Variants in TARS3 observed in about 807,000 individuals in gnomAD.
The protein encoded by TARS3 is threonine--tRNA ligase 2, cytoplasmic.
TARS3 carries 94 observed loss-of-function variants against 103.5 expected under a neutral mutation model. The observed-to-expected ratio is 0.91, with a 90% CI of 0.77 to 1.08. TARS3 has a LOEUF of 1.08. TARS3 is among the 50% of genes least tolerant of loss of function. The pLI is 0.00. For synonymous variants in TARS3, 416 were observed against 355.4 expected (o/e 1.17, Z -1.92); for missense variants, 952 against 995.2 (o/e 0.96, Z 0.58).
chr15:101,712,057 A>G (rs1425058549), intron 4 of TARS3, 56 bp from the exon 5 acceptor site: 34 of 1,555,480 alleles, frequency 2.2e-5, no homozygotes, highest in East Asian at 4.7e-5. Context: ...ATGGAAAATT[A>G]GTAGTAAAAT....
chr15:101,710,767 G>T (rs937430568), intron 5 of TARS3, among the ~76,000 whole-genome samples: 1 of 152,158 alleles, frequency 6.6e-6, no homozygotes, highest in Admixed American at 6.5e-5. Flanking sequence ...ATGCACCATA[G>T]TCATCCAGGC....
intron 7 of TARS3, 121 bp downstream of exon 7, chr15:101,705,562 C>T (rs936098473): frequency 1.2e-5 from 9 of 752,708 alleles, no homozygotes; most frequent in Admixed American, 5.0e-5. Context: ...ATTGTAACTA[C>T]GGTAGATTAT....
In TARS3 at chr15:101,653,797, C is replaced by T. The variant is rs1173702324; in HGVS notation, c.*785G>A. Reference sequence around the variant, plus strand: ...TGCCATTTTAATTCAGTTCTGAGCACGTAGAGCATTCCTCTCTTTAAAATC... The same window carrying T: ...TGCCATTTTAATTCAGTTCTGAGCATGTAGAGCATTCCTCTCTTTAAAATC... On this transcript the variant is annotated 3_prime_UTR_variant, in exon 19 of 19. Transcript: ENST00000335968. 2.6e-5 allele frequency: 4 copies of T among 152,330 alleles called. 1 individual carries two copies. The highest frequency in any genetic ancestry group is 4.4e-5 in the Non-Finnish European group (3 of 68,032). The allele number at this position is 152,330 out of a possible 1,614,324, so 9.4% of individuals were successfully genotyped here. A position where few individuals can be genotyped will look rare whatever the true frequency, so the allele number is the denominator to read the frequency against.
intron 3 of TARS3, among the ~76,000 whole-genome samples, chr15:101,718,501 A>G (rs1439228383): frequency 6.6e-6 from 1 of 152,184 alleles, no homozygotes; most frequent in Non-Finnish European, 1.5e-5. Flanking sequence ...TCAACTGACT[A>G]AAAGTTCAGA....
chr15:101,670,932 A>G (rs1229526513), intron 15 of TARS3, among the ~76,000 whole-genome samples: 1 of 152,204 alleles, frequency 6.6e-6, no homozygotes, highest in East Asian at 1.9e-4. Context: ...CATTCTGGAA[A>G]GGGCAAGACT....
chr15:101,723,940 G>A (rs1240922320), intron 1 of TARS3, 151 bp downstream of exon 1: 2 of 596,316 alleles, frequency 3.4e-6, no homozygotes, highest in South Asian at 1.1e-4. Context: ...CGGGACCACC[G>A]AGCAGGGCAG....
rs184553070 is a variant in TARS3, at chr15:101,675,718, C to A, written c.1670G>T (p.Gly557Val). 40 of 1,610,424 alleles carry A rather than the reference C, an allele frequency of 2.5e-5. 1 individual carries two copies. The Middle Eastern group carries it at 9.9e-4, about 40-fold the overall frequency. The change falls in exon 13 of 19, where the codon GGG becomes GTG. Residue 557 changes from glycine to valine, a missense_variant. Coordinates refer to ENST00000335968, the MANE Select transcript of TARS3 (RefSeq NM_152334.3). The stretch of plus-strand genomic sequence containing the variant: ...AACAGATTGCAAAAACTGCAAACAC[C>A]CCTTTATTTCTTCTTCAATCTGAAA... The part of the protein sequence containing the change: ...TVEQIEEEIK[G>V]CLQFLQSVYS...
At chr15:101,655,460 T>G (rs1287676082) in intron 18 of TARS3, among the ~76,000 whole-genome samples, 1 of 138,134 alleles carries the variant, frequency 7.2e-6, no homozygotes. Context: ...TGACTCCACC[T>G]GGCACTAGGG....
At chr15:101,664,608 C>A (rs902527798) in intron 15 of TARS3, among the ~76,000 whole-genome samples, 4 of 152,192 alleles carry the variant, frequency 2.6e-5, no homozygotes, top group Admixed American at 6.5e-5. Flanking sequence ...CTGGAAATTT[C>A]CACCTGAACC....
intron 7 of TARS3, 115 bp downstream of exon 7, chr15:101,705,568 A>G (rs1899513493): frequency 1.3e-6 from 1 of 786,020 alleles, no homozygotes; most frequent in Non-Finnish European, 2.1e-6. Flanking sequence ...ACTACGGTAG[A>G]TTATCAACTA....
chr15:101,653,925 G>A lies in TARS3; in HGVS notation c.*657C>T, dbSNP rs1897102444. On this transcript the variant is annotated 3_prime_UTR_variant, in exon 19 of 19. Transcript: ENST00000335968. ...GGTGGTAGAAGCCCACAGCTGAAAC[G>A]CTGGAAACACTGATGCAATTCATTT... 6.6e-6 allele frequency: 1 copy of A among 152,244 alleles called. No homozygotes were observed. 9.4% of individuals were successfully genotyped at this position (152,244 alleles called of 1,614,324 possible).
At chr15:101,712,029 A>C (rs1305067487) in intron 4 of TARS3, 28 bp from the exon 5 acceptor site, 1 of 1,589,274 alleles carries the variant, frequency 6.3e-7, no homozygotes, top group East Asian at 2.3e-5. Flanking sequence ...AGAGGCCATT[A>C]GCTACCAAAA....
At chr15:101,682,578 G>T (rs1243141947) in intron 12 of TARS3, among the ~76,000 whole-genome samples, 4 of 152,078 alleles carry the variant, frequency 2.6e-5, no homozygotes, top group Non-Finnish European at 5.9e-5. Flanking sequence ...TTATGTTCAT[G>T]AGAGATGTTC....
chr15:101,683,266 C>A (rs944301440), intron 12 of TARS3, among the ~76,000 whole-genome samples: 1 of 152,126 alleles, frequency 6.6e-6, no homozygotes, highest in East Asian at 1.9e-4. Flanking sequence ...CCACTTAAAT[C>A]GCATCCTACA....
At chr15:101,720,923 A>G (rs1317243336) in intron 3 of TARS3, among the ~76,000 whole-genome samples, 2 of 152,198 alleles carry the variant, frequency 1.3e-5, no homozygotes, top group African/African-American at 4.8e-5. Flanking sequence ...TTCTGCCACG[A>G]CTGTAAGTTT....
At chr15:101,660,747 A>C (rs1207124265) in intron 16 of TARS3, among the ~76,000 whole-genome samples, 3 of 152,228 alleles carry the variant, frequency 2.0e-5, no homozygotes, top group Non-Finnish European at 4.4e-5. Context: ...GATGGAACTT[A>C]GTGAGGCAAA....
At chr15:101,703,269 T>C (rs930982538) in intron 8 of TARS3, among the ~76,000 whole-genome samples, 17 of 152,110 alleles carry the variant, frequency 1.1e-4, no homozygotes, top group African/African-American at 2.9e-4. Context: ...AAGAAAACCA[T>C]AGTATATAGA....
chr15:101,723,546 A>G (rs1900598386), intron 1 of TARS3, among the ~76,000 whole-genome samples: 1 of 152,244 alleles, frequency 6.6e-6, no homozygotes, highest in Admixed American at 6.5e-5. Context: ...TTCAGGACTC[A>G]GAAAGTATGA....
At chr15:101,679,550 T>C (rs1211142645) in intron 12 of TARS3, among the ~76,000 whole-genome samples, 1 of 152,254 alleles carries the variant, frequency 6.6e-6, no homozygotes, top group Admixed American at 6.5e-5. Context: ...GCTCATTAGT[T>C]AGTAATTGCA....
Sources: allele counts gnomAD v4.1 joint callset (sites outside exome capture counted in the v4.1 genomes callset), GRCh38; gene constraint gnomAD v4.1.1; transcripts MANE v1.5; gene names NCBI Gene and HGNC (gene_info 2026-07-23, HGNC 2026-07-21).